Variants in MSRB3 observed in about 807,000 individuals in gnomAD.
MSRB3 encodes methionine sulfoxide reductase B3.
Under a neutral mutation model 21.0 loss-of-function variants are expected in MSRB3, and 13 were observed. The ratio of observed to expected loss-of-function variants is 0.62; its 90% CI spans 0.40 to 0.98. The LOEUF is 0.98. Among genes scored for constraint, MSRB3 ranks in the 50% least tolerant of loss-of-function variants. MSRB3 has a pLI of 0.00. For missense variants in MSRB3, 199 were observed against 230.3 expected (o/e 0.86, Z 0.88); for synonymous variants, 87 against 88.6 (o/e 0.98, Z 0.10).
intron 4 of MSRB3, 126 bp downstream of exon 4, chr12:65,328,729 C>T: frequency 1.4e-6 from 1 of 729,420 alleles, no homozygotes; most frequent in South Asian, 1.5e-5. Context: ...TTTCCATTTA[C>T]CCCCAACAAA....
At chr12:65,352,235 C>G (rs868409815) in intron 4 of MSRB3, among the ~76,000 whole-genome samples, 1 of 152,078 alleles carries the variant, frequency 6.6e-6, no homozygotes, top group Non-Finnish European at 1.5e-5. Flanking sequence ...TCAATAGATG[C>G]AGAAAAAGCC....
chr12:65,341,355 A>T (rs1876127013), intron 4 of MSRB3, among the ~76,000 whole-genome samples: 4 of 149,960 alleles, frequency 2.7e-5, no homozygotes. Flanking sequence ...TAAAAATTAA[A>T]ACAGTTGAAC....
At chr12:65,378,234 C>T (rs987196941) in intron 5 of MSRB3, among the ~76,000 whole-genome samples, 2 of 152,086 alleles carry the variant, frequency 1.3e-5, no homozygotes, top group African/African-American at 4.8e-5. Flanking sequence ...ATTACATTAT[C>T]TAACCTGAAG....
chr12:65,365,274 C>T (rs1331557740), intron 4 of MSRB3, among the ~76,000 whole-genome samples: 1 of 152,170 alleles, frequency 6.6e-6, no homozygotes, highest in Non-Finnish European at 1.5e-5. Flanking sequence ...GCACCTCACT[C>T]AGCTTCGTGT....
At chr12:65,365,206 T>C (rs966380169) in intron 4 of MSRB3, among the ~76,000 whole-genome samples, 2 of 152,162 alleles carry the variant, frequency 1.3e-5, no homozygotes, top group Admixed American at 6.6e-5. Flanking sequence ...TTAATAATTC[T>C]TAAGTCTCAG....
At chr12:65,381,637 TTTC>T (rs1878942556) in intron 5 of MSRB3, among the ~76,000 whole-genome samples, 1 of 152,132 alleles carries the variant, frequency 6.6e-6, no homozygotes, top group Admixed American at 6.5e-5. Flanking sequence ...TTGATAAATT[TTTC>T]TTCGAGTCTT....
intron 4 of MSRB3, among the ~76,000 whole-genome samples, chr12:65,345,890 C>T (rs1310595386): frequency 1.3e-5 from 2 of 152,022 alleles, no homozygotes; most frequent in African/African-American, 2.4e-5. Context: ...GCTTCATCCA[C>T]GTCCCTACAA....
At chr12:65,428,606 G>T (rs1340743557) in intron 5 of MSRB3, among the ~76,000 whole-genome samples, 1 of 152,112 alleles carries the variant, frequency 6.6e-6, no homozygotes, top group East Asian at 1.9e-4. Context: ...ACAGGAGTAC[G>T]ACATTATTGG....
chr12:65,282,393 T>A (rs1872080866), intron 1 of MSRB3, among the ~76,000 whole-genome samples: 1 of 151,756 alleles, frequency 6.6e-6, no homozygotes, highest in East Asian at 1.9e-4. Flanking sequence ...GCTGAAGTCA[T>A]GTTTATGGCT....
intron 5 of MSRB3, among the ~76,000 whole-genome samples, chr12:65,440,141 A>G (rs975642701): frequency 3.3e-5 from 5 of 151,760 alleles, no homozygotes; most frequent in African/African-American, 1.2e-4. Flanking sequence ...GAAGAAAATA[A>G]AATTATAATA....
intron 1 of MSRB3, among the ~76,000 whole-genome samples, chr12:65,291,228 GGCGCCT>G: frequency 6.6e-6 from 1 of 152,090 alleles, no homozygotes; most frequent in East Asian, 1.9e-4. Flanking sequence ...TGTGATTACA[GGCGCCT>G]GCCACCATGT....
intron 5 of MSRB3, among the ~76,000 whole-genome samples, chr12:65,443,479 T>A (rs1016169512): frequency 6.6e-6 from 1 of 152,170 alleles, no homozygotes; most frequent in Non-Finnish European, 1.5e-5. Context: ...TGCCTATTTT[T>A]AAAAATGTTT....
At chr12:65,425,384 G>T (rs552127918) in intron 5 of MSRB3, among the ~76,000 whole-genome samples, 2 of 152,028 alleles carry the variant, frequency 1.3e-5, no homozygotes, top group Non-Finnish European at 2.9e-5. Context: ...GGCCTCATTA[G>T]TGGCATTAAA....
intron 1 of MSRB3, among the ~76,000 whole-genome samples, chr12:65,292,290 G>A (rs750091424): frequency 1.3e-5 from 2 of 152,100 alleles, no homozygotes; most frequent in East Asian, 3.9e-4. Flanking sequence ...AGTTATCTGT[G>A]CCTCAGTTTT....
intron 4 of MSRB3, among the ~76,000 whole-genome samples, chr12:65,346,663 G>C (rs570445213): frequency 6.6e-6 from 1 of 152,116 alleles, no homozygotes. Flanking sequence ...CCTTGCCCAT[G>C]CCTATGTCCT....
intron 5 of MSRB3, among the ~76,000 whole-genome samples, chr12:65,429,863 A>G (rs535605727): frequency 6.6e-6 from 1 of 152,226 alleles, no homozygotes; most frequent in Non-Finnish European, 1.5e-5. Flanking sequence ...AGCTTGTTTC[A>G]TTTGCTTCTG....
chr12:65,419,864 G>C (rs1881188919), intron 5 of MSRB3: 3 of 682,182 alleles, frequency 4.4e-6, no homozygotes. Context: ...CCCGGAAGCT[G>C]GTGGAGCAGG....
intron 6 of MSRB3, among the ~76,000 whole-genome samples, chr12:65,456,570 C>G (rs1018688014): frequency 2.0e-5 from 3 of 152,314 alleles, no homozygotes; most frequent in African/African-American, 7.2e-5. Flanking sequence ...AGTTAAAGCC[C>G]AAGGTGACTG....
At chr12:65,378,357 A>C (rs1005500789) in intron 5 of MSRB3, among the ~76,000 whole-genome samples, 4 of 152,152 alleles carry the variant, frequency 2.6e-5, no homozygotes, top group African/African-American at 9.7e-5. Context: ...TCACCTCAAA[A>C]AGTGGTGATT....
Sources: gnomAD v4.1 joint callset for allele counts (sites outside exome capture counted in the v4.1 genomes callset) on GRCh38, gnomAD v4.1.1 for gene constraint, MANE v1.5 for transcripts, NCBI Gene and HGNC (gene_info 2026-07-23, HGNC 2026-07-21) for gene names.